SDK1: variants seen among roughly 807,000 people sequenced by gnomAD.
SDK1 encodes the protein protein sidekick-1.
SDK1 carries 157 observed loss-of-function variants against 245.5 expected under a neutral mutation model. The observed-to-expected ratio is 0.64, with a 90% confidence interval of 0.56 to 0.73. The LOEUF is 0.73. Among genes scored for constraint, SDK1 ranks in the 30% least tolerant of loss-of-function variants. The probability of loss-of-function intolerance (pLI) is 0.00; values close to 1 mark genes in which losing one functional copy is unlikely to be tolerated. For synonymous variants in SDK1, 1,647 were observed against 1,278.5 expected, an observed-to-expected ratio of 1.29 and a Z score of -6.15; for missense variants, 3,583 against 3,002.3, an observed-to-expected ratio of 1.19 and a Z score of -4.52.
At chr7:3,315,665 T>G (rs1413475003) in intron 1 of SDK1, among the ~76,000 whole-genome samples, 1 of 152,232 alleles carries the variant, frequency 6.6e-6, no homozygotes, top group Admixed American at 6.5e-5. Context: ...TTTTCCTGAA[T>G]GTTCTAAGTT....
intron 4 of SDK1, 105 bp from the exon 5 acceptor site, chr7:3,821,345 T>C: frequency 3.0e-6 from 4 of 1,328,872 alleles, no homozygotes; most frequent in Non-Finnish European, 1.0e-6. Context: ...CAGCTCTTCT[T>C]TTAAACTCTA....
In SDK1 at chr7:3,623,233, A is replaced by C. The variant is rs377218867; in HGVS notation, c.458+3994A>C. 2.0e-5 allele frequency among the ~76,000 whole-genome samples: 3 copies of C among 149,708 alleles called. No homozygotes were observed. In the East Asian group the frequency reaches 5.9e-4, roughly 30 times the overall value. On this transcript the variant is annotated intron_variant, in intron 2 of 44. Coordinates refer to ENST00000404826, the MANE Select transcript of SDK1 (RefSeq NM_152744.4). ...GTTACACACTGCACAGTGAATTTCA[A>C]GTGTTGTATTTCTTTTTTTTTTTTT...
intron 44 of SDK1, among the ~76,000 whole-genome samples, chr7:4,259,316 G>C: frequency 6.6e-6 from 1 of 152,176 alleles, no homozygotes; most frequent in East Asian, 1.9e-4. Flanking sequence ...GCGGGCACCT[G>C]TAATCCCAGA....
At chr7:3,308,491 C>G (rs2128542560) in intron 1 of SDK1, among the ~76,000 whole-genome samples, 1 of 152,226 alleles carries the variant, frequency 6.6e-6, no homozygotes, top group African/African-American at 2.4e-5. Context: ...TATTGATATA[C>G]AGACAATGTC....
intron 29 of SDK1, among the ~76,000 whole-genome samples, chr7:4,147,117 G>A (rs1243943669): frequency 6.6e-6 from 1 of 152,202 alleles, no homozygotes; most frequent in Non-Finnish European, 1.5e-5. Context: ...GAATGAGGAC[G>A]GGAGGGAGCT....
intron 1 of SDK1, among the ~76,000 whole-genome samples, chr7:3,321,720 CCCCTCT>C (rs1779809489): frequency 4.8e-5 from 1 of 20,696 alleles, no homozygotes; most frequent in Non-Finnish European, 8.7e-5. Flanking sequence ...CCCTCCCTCT[CCCCTCT>C]CCCTCCCATC....
chr7:4,088,507 G>C (rs1238006569), intron 22 of SDK1, among the ~76,000 whole-genome samples: 1 of 151,016 alleles, frequency 6.6e-6, no homozygotes, highest in Non-Finnish European at 1.5e-5. Context: ...TATCCAGCCT[G>C]TATTGGGTTA....
chr7:3,855,595 G>A (rs999314898), intron 5 of SDK1, among the ~76,000 whole-genome samples: 1 of 152,208 alleles, frequency 6.6e-6, no homozygotes, highest in Non-Finnish European at 1.5e-5. Context: ...AGAAGATAGA[G>A]CCAGCAGTGC....
At chr7:4,220,340 T>C in intron 39 of SDK1, 70 bp downstream of exon 39, 1 of 1,517,240 alleles carries the variant, frequency 6.6e-7, no homozygotes, top group Non-Finnish European at 9.0e-7. Flanking sequence ...TTCACTGAGC[T>C]GAGATCCATC....
At chr7:3,751,128 C>T (rs928550137) in intron 4 of SDK1, among the ~76,000 whole-genome samples, 3 of 152,202 alleles carry the variant, frequency 2.0e-5, no homozygotes, top group South Asian at 2.1e-4. Flanking sequence ...TTCCTCCAGT[C>T]GCTGTGTGGC....
chr7:4,080,068 GA>G (rs1417439024), intron 22 of SDK1, among the ~76,000 whole-genome samples: 2 of 152,170 alleles, frequency 1.3e-5, no homozygotes, highest in Non-Finnish European at 2.9e-5. Context: ...CTGTCGAGGA[GA>G]AAAGTGCTGT....
chr7:3,875,768 G>A (rs757913584), intron 5 of SDK1, among the ~76,000 whole-genome samples: 28 of 152,162 alleles, frequency 1.8e-4, no homozygotes, highest in Non-Finnish European at 3.8e-4. Context: ...GTTATAGGTG[G>A]TGTTCTCTTG....
intron 4 of SDK1, among the ~76,000 whole-genome samples, chr7:3,691,802 T>C (rs1177181413): frequency 6.6e-6 from 1 of 152,208 alleles, no homozygotes; most frequent in Non-Finnish European, 1.5e-5. Context: ...AGTTAATACT[T>C]GGCTTATCTA....
intron 1 of SDK1, among the ~76,000 whole-genome samples, chr7:3,406,962 G>C (rs1302756092): frequency 1.4e-5 from 2 of 139,840 alleles, no homozygotes; most frequent in Non-Finnish European, 3.0e-5. Flanking sequence ...ACTCTTTGTA[G>C]ACAAGATTGA....
intron 1 of SDK1, among the ~76,000 whole-genome samples, chr7:3,533,054 A>G (rs1007683574): frequency 4.6e-5 from 7 of 152,234 alleles, no homozygotes; most frequent in East Asian, 1.9e-4. Flanking sequence ...CAATTATTCT[A>G]TCAAATTATA....
At chr7:3,812,650 T>G (rs2115049318) in intron 4 of SDK1, among the ~76,000 whole-genome samples, 1 of 152,372 alleles carries the variant, frequency 6.6e-6, no homozygotes, top group East Asian at 1.9e-4. Context: ...TGGTGGAGGC[T>G]TGACTGGTCT....
intron 17 of SDK1, among the ~76,000 whole-genome samples, chr7:4,036,262 T>C (rs1403801658): frequency 2.0e-5 from 3 of 152,236 alleles, no homozygotes; most frequent in Non-Finnish European, 2.9e-5. Flanking sequence ...CTTTAAATTA[T>C]ACTATAAGGG....
intron 17 of SDK1, among the ~76,000 whole-genome samples, chr7:4,040,808 C>G (rs879269668): frequency 1.8e-4 from 27 of 152,326 alleles, no homozygotes; most frequent in Non-Finnish European, 2.2e-4. Context: ...TGCATTTTTA[C>G]TGTACACGTG....
intron 4 of SDK1, among the ~76,000 whole-genome samples, chr7:3,701,586 G>A (rs116960637): frequency 0.014 from 2,060 of 152,162 alleles, 20 homozygotes; most frequent in Non-Finnish European, 0.021. Context: ...GTGATAGAGC[G>A]AGACCCTGTC....
Sources: allele counts gnomAD v4.1 joint callset (sites outside exome capture counted in the v4.1 genomes callset), GRCh38; gene constraint gnomAD v4.1.1; transcripts MANE v1.5; gene names NCBI Gene and HGNC (gene_info 2026-07-23, HGNC 2026-07-21).